TBC1D12: variants seen among roughly 807,000 people sequenced by gnomAD.
TBC1D12 encodes the protein TBC1 domain family member 12, also known as TBC1 domain family, member 12.
Under a neutral mutation model 86.7 loss-of-function variants are expected in TBC1D12, and 56 were observed. That is an observed-to-expected ratio of 0.65 (90% CI 0.52 to 0.81). The LOEUF (loss-of-function observed/expected upper bound fraction) is 0.81, where lower values mean the gene tolerates loss of function less well. Among genes scored for constraint, TBC1D12 ranks in the 30% least tolerant of loss-of-function variants. The probability of loss-of-function intolerance (pLI) is 0.00; values close to 1 mark genes in which losing one functional copy is unlikely to be tolerated. For synonymous variants in TBC1D12, 421 were observed against 411.7 expected (o/e 1.02, Z -0.27); for missense variants, 1,023 against 1,038.8 (o/e 0.98, Z 0.21).
intron 3 of TBC1D12, among the ~76,000 whole-genome samples, chr10:94,487,100 A>T (rs959591285): frequency 6.6e-6 from 1 of 152,000 alleles, no homozygotes. Flanking sequence ...CTTGAAGTCT[A>T]TTATGTCTGA....
intron 2 of TBC1D12, among the ~76,000 whole-genome samples, chr10:94,465,434 T>A (rs542025807): frequency 6.6e-6 from 1 of 151,966 alleles, no homozygotes; most frequent in South Asian, 2.1e-4. Context: ...GATCACGAGG[T>A]CAAGAGACTG....
intron 2 of TBC1D12, among the ~76,000 whole-genome samples, chr10:94,461,136 G>T (rs780007895): frequency 3.9e-5 from 6 of 152,082 alleles, no homozygotes; most frequent in Non-Finnish European, 8.8e-5. Flanking sequence ...TATAAGTTTT[G>T]CTGAAAGGTA....
chr10:94,459,347 G>A (rs2055685819), intron 2 of TBC1D12, among the ~76,000 whole-genome samples: 1 of 152,222 alleles, frequency 6.6e-6, no homozygotes, highest in Non-Finnish European at 1.5e-5. Flanking sequence ...TAGACACAGG[G>A]TGCTGATTGG....
intron 1 of TBC1D12, among the ~76,000 whole-genome samples, chr10:94,406,124 T>A (rs1340829269): frequency 6.6e-6 from 1 of 152,196 alleles, no homozygotes; most frequent in Non-Finnish European, 1.5e-5. Context: ...ATGTTATTTA[T>A]AGGAGGCTTT....
chr10:94,473,291 C>T (rs530639243), intron 2 of TBC1D12, among the ~76,000 whole-genome samples: 7 of 149,292 alleles, frequency 4.7e-5, no homozygotes, highest in East Asian at 2.0e-4. Flanking sequence ...ACCCGGGAGG[C>T]GGAGGTTGCA....
At chr10:94,470,855 A>G (rs1233473093) in intron 2 of TBC1D12, among the ~76,000 whole-genome samples, 1 of 151,830 alleles carries the variant, frequency 6.6e-6, no homozygotes, top group East Asian at 1.9e-4. Flanking sequence ...AGCTCATACA[A>G]TGTTTTAAAG....
chr10:94,475,002 G>A (rs904921360), intron 3 of TBC1D12, among the ~76,000 whole-genome samples: 2 of 152,146 alleles, frequency 1.3e-5, no homozygotes, highest in East Asian at 1.9e-4. Flanking sequence ...TGCCCAGGCT[G>A]TTCTCAAACT....
At chr10:94,531,779 T>TTTATG (rs1554951702) in intron 12 of TBC1D12, among the ~76,000 whole-genome samples, 5 of 140,838 alleles carry the variant, frequency 3.6e-5, no homozygotes, top group African/African-American at 1.2e-4. Flanking sequence ...TTTATGTTAT[T>TTTATG]TTATTTTATG....
At chr10:94,526,438 AAAAAAAAAAG>A (rs1335482820) in intron 11 of TBC1D12, among the ~76,000 whole-genome samples, 1 of 151,996 alleles carries the variant, frequency 6.6e-6, no homozygotes, top group Non-Finnish European at 1.5e-5. Context: ...CTGAGAAAAA[AAAAAAAAAAG>A]AAAGAAAAAG....
At chr10:94,478,843 C>T (rs1222472713) in intron 3 of TBC1D12, among the ~76,000 whole-genome samples, 1 of 152,038 alleles carries the variant, frequency 6.6e-6, no homozygotes, top group African/African-American at 2.4e-5. Flanking sequence ...TGTCATAGCA[C>T]CTGCTCAGGA....
At chr10:94,514,087 C>A (rs1222795157) in intron 9 of TBC1D12, among the ~76,000 whole-genome samples, 1 of 151,160 alleles carries the variant, frequency 6.6e-6, no homozygotes, top group Non-Finnish European at 1.5e-5. Context: ...GTGGCTCATG[C>A]CTGTAATCCC....
rs138609321 is a variant in TBC1D12 at position 94,441,578 on chromosome 10, A to G, written c.972-318A>G. On this transcript the variant is annotated intron_variant, in intron 1 of 12. Transcript: ENST00000225235. ...CTTCTAATACCTCTATATAAGCCAG[A>G]TAGTCTGTATTTTACTTTAAGTTCT... is the stretch of plus-strand genomic sequence containing the variant. 6.1e-3 allele frequency among the ~76,000 whole-genome samples: 921 copies of G among 152,162 alleles called. 4 individuals are homozygous for G. Among genetic ancestry groups the G allele is most frequent in the Non-Finnish European group, 9.4e-3 (637 of 68,006 alleles).
At position 94,493,360 on chromosome 10, in the gene TBC1D12, T is replaced by C. The variant is rs759974865; in HGVS notation, c.1212-5T>C. On this transcript the variant is annotated splice_region_variant and splice_polypyrimidine_tract_variant and intron_variant, in intron 3 of 12. Coordinates refer to ENST00000225235, the MANE Select transcript of TBC1D12 (RefSeq NM_015188.2). ...TGTCTTGACTTAAGTAATTTTTTTTTCCAGAAATCTTCCTGCCAAATCTGT... is the reference window on the plus strand; with the variant it reads ...TGTCTTGACTTAAGTAATTTTTTTTCCCAGAAATCTTCCTGCCAAATCTGT... The C allele has an allele frequency of 8.7e-6, 14 of 1,605,470 alleles. No individual in the cohort carries two copies. Among genetic ancestry groups the C allele is most frequent in the African/African-American group, 8.0e-5 (6 of 74,550 alleles).
chr10:94,455,364 C>T (rs2055612023), intron 2 of TBC1D12, among the ~76,000 whole-genome samples: 1 of 151,770 alleles, frequency 6.6e-6, no homozygotes, highest in South Asian at 2.1e-4. Flanking sequence ...TTAGTAATGC[C>T]TTTGTCTAGT....
chr10:94,452,665 A>G (rs2055568988), intron 2 of TBC1D12, among the ~76,000 whole-genome samples: 1 of 152,072 alleles, frequency 6.6e-6, no homozygotes, highest in Non-Finnish European at 1.5e-5. Flanking sequence ...GGAACACCAC[A>G]GTTTATTTAC....
At chr10:94,532,889 G>A (rs1245427053) in intron 12 of TBC1D12, 139 bp from the exon 13 acceptor site, 1 of 502,318 alleles carries the variant, frequency 2.0e-6, no homozygotes, top group Non-Finnish European at 3.4e-6. Context: ...AAAATAAAGG[G>A]GATTTGAGAA....
chr10:94,513,199 A>G (rs1004847599), intron 9 of TBC1D12, among the ~76,000 whole-genome samples: 2 of 148,920 alleles, frequency 1.3e-5, no homozygotes, highest in East Asian at 4.1e-4. Context: ...GTGAGCCAAG[A>G]TCGTGCCACT....
At chr10:94,426,099 A>G (rs2055141549) in intron 1 of TBC1D12, among the ~76,000 whole-genome samples, 1 of 152,138 alleles carries the variant, frequency 6.6e-6, no homozygotes, top group South Asian at 2.1e-4. Flanking sequence ...CTGTCTGCAA[A>G]TAAGAGAACA....
chr10:94,427,833 CAAAAAAAAAAAAA>C (rs71031576), intron 1 of TBC1D12, among the ~76,000 whole-genome samples: 2 of 67,048 alleles, frequency 3.0e-5, no homozygotes, highest in African/African-American at 5.9e-5. Context: ...CCCTGTCTCA[CAAAAAAAAAAAAA>C]AAAAAAAAAA....
Sources: gnomAD v4.1 joint callset for allele counts (sites outside exome capture counted in the v4.1 genomes callset) on GRCh38, gnomAD v4.1.1 for gene constraint, MANE v1.5 for transcripts, NCBI Gene and HGNC (gene_info 2026-07-23, HGNC 2026-07-21) for gene names.